The following VWA5A variants were observed in gnomAD, a reference collection of about 807,000 sequenced individuals.
VWA5A encodes von Willebrand factor A domain containing 5A.
A neutral mutation model predicts 84.6 loss-of-function variants in VWA5A; 77 were observed. The observed-to-expected ratio is 0.91, with a 90% CI of 0.76 to 1.10. The LOEUF (loss-of-function observed/expected upper bound fraction) is 1.10, where lower values mean the gene tolerates loss of function less well. VWA5A is among the 50% of genes least tolerant of loss of function. The pLI is 0.00. For synonymous variants in VWA5A, 334 were observed against 350.1 expected (o/e 0.95, Z 0.51); for missense variants, 973 against 963.0 (o/e 1.01, Z -0.14).
Position 124,136,393 on chromosome 11 carries a change from C to T in VWA5A, c.1524+100C>T, listed in dbSNP as rs1247742015. ...ATTTCAATCTCAGCCAGAGACGGCA[C>T]TTGCCAAGTATAGCTAGCCTACTTC... is the stretch of plus-strand genomic sequence containing the variant. On this transcript the variant is annotated intron_variant, in intron 13 of 18. Transcript: ENST00000456829. The T allele has an allele frequency of 2.6e-6, 4 of 1,517,000 alleles. No individual in the cohort carries two copies. The African/African-American group carries it at 4.1e-5, about 16-fold the overall frequency. 94.0% of individuals were successfully genotyped at this position (1,517,000 alleles called of 1,614,324 possible). A position where few individuals can be genotyped will look rare whatever the true frequency, so the allele number is the denominator to read the frequency against.
chr11:124,135,396 C>T (rs1017874558), intron 12 of VWA5A, among the ~76,000 whole-genome samples: 1 of 152,004 alleles, frequency 6.6e-6, no homozygotes, highest in Non-Finnish European at 1.5e-5. Context: ...CATGCATCCT[C>T]CATGCAAAAG....
At chr11:124,119,525 A>T (rs1864897418) in intron 7 of VWA5A, among the ~76,000 whole-genome samples, 1 of 152,236 alleles carries the variant, frequency 6.6e-6, no homozygotes, top group Admixed American at 6.5e-5. Flanking sequence ...AAATTTGGCC[A>T]TATGTGTTAA....
intron 17 of VWA5A, among the ~76,000 whole-genome samples, chr11:124,144,984 G>A (rs1036155597): frequency 6.6e-6 from 1 of 152,084 alleles, no homozygotes; most frequent in African/African-American, 2.4e-5. Flanking sequence ...CTTGTCTTAG[G>A]GGTTTCCAGA....
rs762850962 is a variant in VWA5A, at chr11:124,136,246, A to G, written c.1477A>G (p.Arg493Gly). Residue 493 changes from arginine to glycine, a missense_variant, in exon 13 of 19, where the codon AGG becomes GGG. Transcript: ENST00000456829. ...TTCCCCAGAACAGACTGTCATCTTT[A>G]GGGGTCAGAGATTAATCAGCTATGC... ...MLSPEQTVIF[R>G]GQRLISYAQL... is the part of the protein sequence containing the mutation. The G allele has an allele frequency of 6.2e-7, 1 of 1,614,160 alleles. No individual in the cohort carries two copies. Among genetic ancestry groups the G allele is most frequent in the Non-Finnish European group, 8.5e-7 (1 of 1,180,036 alleles).
At chr11:124,126,564 A>G (rs1007880271) in intron 11 of VWA5A, among the ~76,000 whole-genome samples, 14 of 152,052 alleles carry the variant, frequency 9.2e-5, no homozygotes, top group Non-Finnish European at 1.8e-4. Context: ...TTTGAGACCA[A>G]CCTGGCCAAC....
At chr11:124,135,531 T>TTTTTC (rs1865163963) in intron 12 of VWA5A, among the ~76,000 whole-genome samples, 1 of 138,628 alleles carries the variant, frequency 7.2e-6, no homozygotes, top group African/African-American at 2.7e-5. Flanking sequence ...TCTTTTTTTT[T>TTTTTC]TTTTTTTTTT....
At chr11:124,135,590 G>GC in intron 12 of VWA5A, among the ~76,000 whole-genome samples, 1 of 137,272 alleles carries the variant, frequency 7.3e-6, no homozygotes, top group East Asian at 2.1e-4. Context: ...GAGTGCAGTG[G>GC]CGGGATCTCG....
chr11:124,119,227 G>T, intron 7 of VWA5A, 138 bp downstream of exon 7: 1 of 787,322 alleles, frequency 1.3e-6, no homozygotes. Flanking sequence ...TTTACACTAT[G>T]TCATGCAAAA....
intron 17 of VWA5A, 144 bp from the exon 18 acceptor site, chr11:124,145,093 G>T (rs1860794617): frequency 3.0e-6 from 3 of 1,001,820 alleles, no homozygotes; most frequent in Non-Finnish European, 1.4e-6. Flanking sequence ...ATTATGCCTT[G>T]CAAGTAGTAT....
chr11:124,131,534 T>G (rs1865097666), intron 11 of VWA5A, among the ~76,000 whole-genome samples: 1 of 152,090 alleles, frequency 6.6e-6, no homozygotes, highest in Non-Finnish European at 1.5e-5. Context: ...TTCATGCATT[T>G]TTTTATTAAA....
rs564825201 is a variant in VWA5A, at chr11:124,137,182, C to A, written c.1793C>A (p.Pro598Gln). 10 of 1,613,910 alleles carry A rather than the reference C, an allele frequency of 6.2e-6. No individual in the cohort carries two copies. The East Asian group carries it at 2.2e-4, about 36-fold the overall frequency. The change falls in exon 15 of 19, where the codon CCG (proline) becomes CAG (glutamine). Residue 598 changes from proline to glutamine, a missense_variant. Physicochemically the swap from Pro to Gln is moderately conservative, Grantham distance 76 (BLOSUM62 -1). Coordinates refer to ENST00000456829, the MANE Select transcript of VWA5A (RefSeq NM_001130142.2). ...FIAINKELNK[P>Q]VQGPLAHRDV... ...GCTATCAATAAGGAGCTCAACAAGC[C>A]GGTTCAGGGGCCTCTGGCTCATAGG...
rs531150727 is a variant in VWA5A, at chr11:124,142,997, A to G, written c.2154+425A>G. 9.2e-5 allele frequency among the ~76,000 whole-genome samples: 14 copies of G among 152,308 alleles called. No individual in the cohort carries two copies. The South Asian group carries it at 2.5e-3, about 27-fold the overall frequency. On this transcript the variant is annotated intron_variant, in intron 17 of 18. Coordinates refer to ENST00000456829, the MANE Select transcript of VWA5A (RefSeq NM_001130142.2). The stretch of plus-strand genomic sequence containing the variant: ...TTGTGTTGCTGTTTATAGATGAAGA[A>G]ACTGAAGTTCAGGGAGGTCTAAAAA...
chr11:124,145,003 G>C (rs4565905), intron 17 of VWA5A, among the ~76,000 whole-genome samples: 1 of 151,922 alleles, frequency 6.6e-6, no homozygotes. Context: ...GAACCGTCCT[G>C]GTGGTTACAC....
At chr11:124,129,711 G>A (rs1235704496) in intron 11 of VWA5A, among the ~76,000 whole-genome samples, 1 of 151,898 alleles carries the variant, frequency 6.6e-6, no homozygotes, top group African/African-American at 2.4e-5. Context: ...GTCTTGGGGT[G>A]GGGGGTGTAT....
At chr11:124,135,518 A>ATTT (rs1865162261) in intron 12 of VWA5A, among the ~76,000 whole-genome samples, 3 of 98,102 alleles carry the variant, frequency 3.1e-5, no homozygotes, top group African/African-American at 8.1e-5. Context: ...CTCTGGTGGT[A>ATTT]TTTCTTTTTT....
rs1864882673 is a variant in VWA5A, at chr11:124,118,707, A to G, written c.644A>G (p.Gln215Arg). 1 of 1,613,016 alleles carries G rather than the reference A, an allele frequency of 6.2e-7. No homozygotes were observed. The highest frequency in any genetic ancestry group is 8.5e-7 in the Non-Finnish European group (1 of 1,179,466). ...EYLGEDKTSAQVSLAAGHKFD... is the reference protein window; with the variant it reads ...EYLGEDKTSARVSLAAGHKFD... ...CTAGGAGAGGACAAGACTTCTGCTC[A>G]GGTAGTTAATGAGAGAATACTGCTA... Residue 215 changes from glutamine to arginine, a missense_variant and splice_region_variant, in exon 6 of 19, where the codon CAG becomes CGG. Transcript: ENST00000456829.
chr11:124,146,110 G>T lies in VWA5A; in HGVS notation c.*165G>T. The T allele has an allele frequency of 1.5e-6, 1 of 671,552 alleles. No homozygotes were observed. The highest frequency in any genetic ancestry group is 2.4e-6 in the Non-Finnish European group (1 of 416,158). The allele number at this position is 671,552 out of a possible 1,614,324, so 41.6% of individuals were successfully genotyped here. Reference sequence around the variant, plus strand: ...GCTTCTCTGCTCCAGGTTCACTTTGGATATGATCTTTCTTTTCCCAACATA... The same window carrying T: ...GCTTCTCTGCTCCAGGTTCACTTTGTATATGATCTTTCTTTTCCCAACATA... On this transcript the variant is annotated 3_prime_UTR_variant, in exon 19 of 19. Transcript: ENST00000456829.
At position 124,122,993 on chromosome 11, in the gene VWA5A, G is replaced by A. The variant is rs577705854; in HGVS notation, c.794G>A (p.Ser265Asn). The change falls in exon 8 of 19, where the codon AGT (serine) becomes AAT (asparagine). Residue 265 changes from serine (S) to asparagine (N), a missense_variant. Physicochemically the swap from Ser to Asn is conservative, Grantham distance 46. Coordinates refer to ENST00000456829, the MANE Select transcript of VWA5A (RefSeq NM_001130142.2). ...ATGGGAGATCCATCTGCAATGGTGA[G>A]TTTCTATCCAAATATCCCAGAAGAT... is the stretch of plus-strand genomic sequence containing the variant. ...HLMGDPSAMV[S>N]FYPNIPEDQP... The A allele has an allele frequency of 5.6e-6, 9 of 1,614,018 alleles. No individual in the cohort carries two copies. The African/African-American group carries it at 1.1e-4, about 19-fold the overall frequency.
intron 17 of VWA5A, 109 bp from the exon 18 acceptor site, chr11:124,145,128 A>G (rs1359357776): frequency 7.3e-7 from 1 of 1,366,252 alleles, no homozygotes; most frequent in African/African-American, 1.5e-5. Flanking sequence ...AGACCAGGTA[A>G]CTCCATCTAG....
Sources: allele counts gnomAD v4.1 joint callset (sites outside exome capture counted in the v4.1 genomes callset), GRCh38; gene constraint gnomAD v4.1.1; transcripts MANE v1.5; gene names NCBI Gene and HGNC (gene_info 2026-07-23, HGNC 2026-07-21).